Variants in BACH2 observed in about 807,000 individuals in gnomAD.
BACH2 encodes transcription regulator protein BACH2.
BACH2 carries 5 observed loss-of-function variants against 61.8 expected under a neutral mutation model. The observed-to-expected ratio is 0.08, with a 90% CI of 0.04 to 0.17. The LOEUF (loss-of-function observed/expected upper bound fraction) is 0.17. Among genes scored for constraint, BACH2 ranks in the 10% least tolerant of loss-of-function variants. BACH2 has a pLI of 1.00. For synonymous variants in BACH2, 446 were observed against 440.1 expected (o/e 1.01, Z -0.17); for missense variants, 824 against 1,091.1 (o/e 0.76, Z 3.45).
At chr6:90,113,647 C>T (rs1398817774) in intron 4 of BACH2, among the ~76,000 whole-genome samples, 2 of 151,308 alleles carry the variant, frequency 1.3e-5, no homozygotes, top group Admixed American at 6.6e-5. Flanking sequence ...AAAGAACAAC[C>T]CCAAAGCTAG....
Position 90,186,407 on chromosome 6 carries a change from T to C in BACH2, c.-162+20162A>G, listed in dbSNP as rs574016273. Among the ~76,000 whole-genome samples, 5 of 152,356 alleles carry C rather than the reference T, an allele frequency of 3.3e-5. No individual in the cohort carries two copies. The South Asian group carries it at 1.0e-3, about 32-fold the overall frequency. On this transcript the variant is annotated intron_variant, in intron 4 of 8. Transcript: ENST00000257749. ...TTCCCTAAAATATAACCAAGGTTAC[T>C]GTAACTTTTGAAGTCACTCTCAAGA...
intron 1 of BACH2, among the ~76,000 whole-genome samples, chr6:90,292,456 G>T (rs1582573896): frequency 6.6e-6 from 1 of 152,188 alleles, no homozygotes; most frequent in Non-Finnish European, 1.5e-5. Flanking sequence ...TAGAGGGCAG[G>T]TGGTTCAAAA....
chr6:90,143,120 A>T (rs1379661232), intron 4 of BACH2, among the ~76,000 whole-genome samples: 1 of 152,154 alleles, frequency 6.6e-6, no homozygotes, highest in African/African-American at 2.4e-5. Context: ...CAGGGTCTGG[A>T]GGGAACGAGA....
intron 4 of BACH2, among the ~76,000 whole-genome samples, chr6:90,135,124 A>G (rs1488538667): frequency 6.6e-6 from 1 of 152,216 alleles, no homozygotes; most frequent in Non-Finnish European, 1.5e-5. Flanking sequence ...TTCCGAATGG[A>G]GAATGAAACT....
chr6:90,121,430 A>G (rs947983922), intron 4 of BACH2, among the ~76,000 whole-genome samples: 2 of 152,126 alleles, frequency 1.3e-5, no homozygotes, highest in African/African-American at 4.8e-5. Context: ...AAATTTTCTA[A>G]CTTTTCTTAA....
At chr6:90,009,232 C>G (rs1277533292) in intron 5 of BACH2, among the ~76,000 whole-genome samples, 1 of 152,204 alleles carries the variant, frequency 6.6e-6, no homozygotes, top group African/African-American at 2.4e-5. Flanking sequence ...TAAATAGCCT[C>G]TATGCAAGGA....
intron 5 of BACH2, among the ~76,000 whole-genome samples, chr6:90,020,981 G>A (rs1276532624): frequency 2.0e-5 from 3 of 152,156 alleles, no homozygotes; most frequent in Non-Finnish European, 2.9e-5. Context: ...GCTTTCCAAA[G>A]GTTCTGATTT....
intron 1 of BACH2, among the ~76,000 whole-genome samples, chr6:90,285,878 A>T (rs1437380721): frequency 6.6e-6 from 1 of 152,234 alleles, no homozygotes; most frequent in Non-Finnish European, 1.5e-5. Flanking sequence ...TGTACTTGAG[A>T]TGCACACACC....
intron 5 of BACH2, among the ~76,000 whole-genome samples, chr6:90,058,214 C>T (rs1261259844): frequency 1.3e-5 from 2 of 152,146 alleles, no homozygotes; most frequent in East Asian, 3.9e-4. Context: ...GACTGTATAT[C>T]TAGAAAACCC....
chr6:90,164,090 C>T (rs745651611), intron 4 of BACH2, among the ~76,000 whole-genome samples: 1 of 152,074 alleles, frequency 6.6e-6, no homozygotes, highest in Non-Finnish European at 1.5e-5. Context: ...GAAACAGAGA[C>T]ACAAAAAACC....
At chr6:90,228,239 C>G (rs947064792) in intron 3 of BACH2, among the ~76,000 whole-genome samples, 8 of 152,362 alleles carry the variant, frequency 5.3e-5, no homozygotes, top group Middle Eastern at 3.4e-3. Flanking sequence ...TACATAATCT[C>G]CAACTTTCCA....
At chr6:90,199,829 A>G (rs1768896460) in intron 4 of BACH2, among the ~76,000 whole-genome samples, 1 of 152,206 alleles carries the variant, frequency 6.6e-6, no homozygotes, top group Non-Finnish European at 1.5e-5. Flanking sequence ...AAAATGTAGA[A>G]AGTGAGAATA....
chr6:90,165,171 T>C (rs1469475257), intron 4 of BACH2, among the ~76,000 whole-genome samples: 1 of 152,190 alleles, frequency 6.6e-6, no homozygotes, highest in African/African-American at 2.4e-5. Flanking sequence ...AACCCCATCA[T>C]CTCAGCACAA....
At chr6:90,248,693 A>G (rs562330312) in intron 3 of BACH2, among the ~76,000 whole-genome samples, 2 of 152,326 alleles carry the variant, frequency 1.3e-5, no homozygotes, top group African/African-American at 2.4e-5. Context: ...ACCTGGTCAC[A>G]GTGGTGGTAT....
chr6:89,986,096 T>C (rs1252257286), intron 6 of BACH2, among the ~76,000 whole-genome samples: 2 of 152,152 alleles, frequency 1.3e-5, no homozygotes, highest in Non-Finnish European at 2.9e-5. Flanking sequence ...GGGAGACTGA[T>C]AGTGGCGGCG....
At chr6:90,099,821 T>C (rs1319101257) in intron 4 of BACH2, among the ~76,000 whole-genome samples, 1 of 147,046 alleles carries the variant, frequency 6.8e-6, no homozygotes, top group East Asian at 1.9e-4. Flanking sequence ...AAATATACAA[T>C]TCAATGTTTT....
chr6:90,129,856 A>G (rs1247553100), intron 4 of BACH2, among the ~76,000 whole-genome samples: 1 of 149,802 alleles, frequency 6.7e-6, no homozygotes. Context: ...CAGTTCAAGA[A>G]GTTTTTTTTT....
At chr6:90,211,892 G>A (rs1769367379) in intron 3 of BACH2, among the ~76,000 whole-genome samples, 1 of 152,184 alleles carries the variant, frequency 6.6e-6, no homozygotes, top group Admixed American at 6.5e-5. Context: ...CCAGTCTGTG[G>A]GATGGACTCT....
chr6:89,978,682 C>T (rs904096247), intron 6 of BACH2, among the ~76,000 whole-genome samples: 3 of 142,292 alleles, frequency 2.1e-5, no homozygotes, highest in Admixed American at 7.1e-5. Flanking sequence ...AGAACATTAG[C>T]TTAAGACTTT....
Sources: gnomAD v4.1 joint callset for allele counts (sites outside exome capture counted in the v4.1 genomes callset) on GRCh38, gnomAD v4.1.1 for gene constraint, MANE v1.5 for transcripts, NCBI Gene and HGNC (gene_info 2026-07-23, HGNC 2026-07-21) for gene names.